LDB3: variants seen among roughly 807,000 people sequenced by gnomAD.
The protein encoded by LDB3 is LIM domain-binding protein 3.
LDB3 carries 49 observed loss-of-function variants against 69.0 expected under a neutral mutation model. That is an observed-to-expected ratio of 0.71 (90% CI 0.56 to 0.90). The LOEUF is 0.90. Ranked by LOEUF, LDB3 falls within the 40% of genes least tolerant of loss-of-function variation. The pLI, the probability that LDB3 is intolerant of heterozygous loss-of-function variation, is 0.00. For synonymous variants in LDB3, 387 were observed against 396.2 expected (o/e 0.98, Z 0.28); for missense variants, 928 against 974.1 (o/e 0.95, Z 0.63).
In LDB3 at chr10:86,716,766, C is replaced by T; in HGVS notation, c.1671C>T (p.Val557=). 1.2e-6 allele frequency: 2 copies of T among 1,607,578 alleles called. No homozygotes were observed. The highest frequency in any genetic ancestry group is 1.7e-6 in the Non-Finnish European group (2 of 1,177,386). ...RTPLCGHCNN[V]IRGPFLVAMG... Reference sequence around the variant, plus strand: ...CACTCTGCGGTCACTGCAACAATGTCATCCGGTATGGTCCAGCTGTGCCCC... The same window carrying T: ...CACTCTGCGGTCACTGCAACAATGTTATCCGGTATGGTCCAGCTGTGCCCC... Residue 557 remains valine, a synonymous_variant, in exon 10 of 14, where the codon GTC becomes GTT. Coordinates refer to ENST00000361373, the MANE Select transcript of LDB3 (RefSeq NM_007078.3).
intron 12 of LDB3, among the ~76,000 whole-genome samples, chr10:86,720,794 G>A (rs965208315): frequency 5.9e-5 from 9 of 152,092 alleles, no homozygotes; most frequent in South Asian, 2.1e-4. Context: ...CAACTCCCCC[G>A]AAAAGATTCT....
At chr10:86,725,826 C>G (rs574027082) in intron 12 of LDB3, among the ~76,000 whole-genome samples, 11 of 152,206 alleles carry the variant, frequency 7.2e-5, no homozygotes, top group African/African-American at 2.4e-4. Flanking sequence ...GGGCTTGATC[C>G]GTTTGGTCTA....
intron 12 of LDB3, among the ~76,000 whole-genome samples, chr10:86,720,553 C>T (rs1847045171): frequency 6.6e-6 from 1 of 151,222 alleles, no homozygotes. Context: ...TTACTCTGTG[C>T]CTCAGTTTCT....
chr10:86,732,208 T>G (rs1847492028), intron 13 of LDB3, among the ~76,000 whole-genome samples: 1 of 152,074 alleles, frequency 6.6e-6, no homozygotes, highest in Non-Finnish European at 1.5e-5. Context: ...CTGATGTGTT[T>G]GTTAGTTTAC....
chr10:86,685,797 T>C, intron 5 of LDB3: 2 of 1,348,174 alleles, frequency 1.5e-6, no homozygotes, highest in Admixed American at 1.7e-5. Flanking sequence ...TGCTGGCATG[T>C]GTACATGTAT....
chr10:86,733,009 G>A lies in LDB3; in HGVS notation c.*33G>A. 6.7e-7 allele frequency: 1 copy of A among 1,483,150 alleles called. No homozygotes were observed. Among genetic ancestry groups the A allele is most frequent in the Non-Finnish European group, 9.4e-7 (1 of 1,066,078 alleles). The allele number at this position is 1,483,150 out of a possible 1,614,324, so 91.9% of individuals were successfully genotyped here. A position where few individuals can be genotyped will look rare whatever the true frequency, so the allele number is the denominator to read the frequency against. On this transcript the variant is annotated 3_prime_UTR_variant, in exon 14 of 14. Coordinates refer to ENST00000361373, the MANE Select transcript of LDB3 (RefSeq NM_007078.3). ...AGGCCGCCTGTGCTGACGAGGCCCG[G>A]AGCTGCTCCTGCTGCTGGCAACAAA...
rs935253276 is a variant in LDB3 at position 86,734,660 on chromosome 10, T to C, written c.*1684T>C. 2 of 152,236 alleles carry C rather than the reference T, an allele frequency of 1.3e-5. No individual in the cohort carries two copies. Among genetic ancestry groups the C allele is most frequent in the Admixed American group, 6.5e-5 (1 of 15,282 alleles). 9.4% of individuals were successfully genotyped at this position (152,236 alleles called of 1,614,324 possible). A position where few individuals can be genotyped will look rare whatever the true frequency, so the allele number is the denominator to read the frequency against. On this transcript the variant is annotated 3_prime_UTR_variant, in exon 14 of 14. Transcript: ENST00000361373. ...AGGGAGAAGGAAGCAGCTAGCTATG[T>C]CCCTAGCTGCAGGAAGCCCCTATTT...
At chr10:86,691,551 T>G (rs1028407903) in intron 5 of LDB3, among the ~76,000 whole-genome samples, 2 of 152,024 alleles carry the variant, frequency 1.3e-5, no homozygotes, top group Admixed American at 6.5e-5. Context: ...CACGGCCTGC[T>G]CACGGAGGTC....
chr10:86,675,256 T>A (rs12240576), intron 2 of LDB3, among the ~76,000 whole-genome samples: 1 of 152,026 alleles, frequency 6.6e-6, no homozygotes. Context: ...GGAGACCTGG[T>A]GGGGAGGGCT....
At chr10:86,679,226 A>G in intron 2 of LDB3, 141 bp from the exon 3 acceptor site, 1 of 983,002 alleles carries the variant, frequency 1.0e-6, no homozygotes, top group Non-Finnish European at 1.6e-6. Context: ...AGGCTTGGTT[A>G]GCAGCTGGTA....
intron 13 of LDB3, among the ~76,000 whole-genome samples, chr10:86,728,778 C>T (rs1052760083): frequency 1.3e-4 from 19 of 151,868 alleles, no homozygotes; most frequent in African/African-American, 4.4e-4. Flanking sequence ...GACGGGGTTT[C>T]ACCATCTTGG....
At chr10:86,692,616 G>T in intron 7 of LDB3, 45 bp downstream of exon 7, 2 of 1,578,718 alleles carry the variant, frequency 1.3e-6, no homozygotes, top group Middle Eastern at 1.7e-4. Context: ...CTCTAGCCCC[G>T]TCCCTCCCCG....
chr10:86,695,293 A>G (rs1222064407), intron 7 of LDB3, among the ~76,000 whole-genome samples: 1 of 152,186 alleles, frequency 6.6e-6, no homozygotes, highest in Non-Finnish European at 1.5e-5. Flanking sequence ...CTTCACCTCC[A>G]TCACTGCTCT....
At chr10:86,726,274 C>G in intron 13 of LDB3, 22 bp downstream of exon 13, 7 of 1,599,038 alleles carry the variant, frequency 4.4e-6, no homozygotes, top group Non-Finnish European at 6.0e-6. Context: ...GCTTGGGGCT[C>G]TGGCTTTCTG....
chr10:86,681,113 G>A (rs1845095107), intron 4 of LDB3, among the ~76,000 whole-genome samples: 1 of 152,264 alleles, frequency 6.6e-6, no homozygotes, highest in South Asian at 2.1e-4. Flanking sequence ...TCAGGGGCAG[G>A]GGGAACAGAC....
At position 86,668,702 on chromosome 10, in the gene LDB3, G is replaced by A. The variant is rs766405051; in HGVS notation, c.11G>A (p.Ser4Asn). The change falls in exon 2 of 14, where the codon AGT becomes AAT. Residue 4 changes from serine to asparagine, a missense_variant. Ser to Asn is a conservative substitution (Grantham distance 46, BLOSUM62 1). Transcript: ENST00000361373. Reference sequence around the variant, plus strand: ...GCTGACAGCACCAGCATGTCTTACAGTGTGACCCTGACTGGGCCCGGGCCC... The same window carrying A: ...GCTGACAGCACCAGCATGTCTTACAATGTGACCCTGACTGGGCCCGGGCCC... Reference protein sequence around the residue: MSYSVTLTGPGPWG... With the variant: MSYNVTLTGPGPWG... 1.2e-5 allele frequency: 19 copies of A among 1,613,238 alleles called. No homozygotes were observed. The highest frequency in any genetic ancestry group is 3.3e-5 in the Admixed American group (2 of 60,004).
At position 86,699,788 on chromosome 10, in the gene LDB3, G is replaced by T; in HGVS notation, c.897-6743G>T. 9.5e-7 allele frequency: 1 copy of T among 1,053,702 alleles called. No individual in the cohort carries two copies. Among genetic ancestry groups the T allele is most frequent in the Middle Eastern group, 4.6e-4 (1 of 2,176 alleles). 65.3% of individuals were successfully genotyped at this position (1,053,702 alleles called of 1,614,324 possible). ...CATCCCCTCCTAGAATGAGTCACCC[G>T]TAGATCAGGGTCTGGGGAAGAGGCT... On this transcript the variant is annotated intron_variant, in intron 7 of 13. Transcript: ENST00000361373. This position sits in a 1 kb window ranked among gnomAD's most constrained non-coding sequence, Gnocchi z 4.9.
chr10:86,733,470 C>T lies in LDB3; in HGVS notation c.*494C>T, dbSNP rs1355120497. On this transcript the variant is annotated 3_prime_UTR_variant, in exon 14 of 14. Transcript: ENST00000361373. ...TAGCTAAGACCCATTGGGCTTTCCT[C>T]ACCAAAAAAGGAAGTGTTATTCCAT... 1 of 170,748 alleles carries T rather than the reference C, an allele frequency of 5.9e-6. No individual in the cohort carries two copies. Among genetic ancestry groups the T allele is most frequent in the Non-Finnish European group, 1.3e-5 (1 of 79,214 alleles). 10.6% of individuals were successfully genotyped at this position (170,748 alleles called of 1,614,324 possible).
intron 8 of LDB3, among the ~76,000 whole-genome samples, chr10:86,709,217 A>G (rs750766205): frequency 6.6e-6 from 1 of 152,202 alleles, no homozygotes. Context: ...GCCACGACGC[A>G]CAGACTCTCC....
Sources: allele counts gnomAD v4.1 joint callset (sites outside exome capture counted in the v4.1 genomes callset), GRCh38; gene constraint gnomAD v4.1.1; non-coding constraint Gnocchi (gnomAD v3.1); transcripts MANE v1.5; gene names NCBI Gene and HGNC (gene_info 2026-07-23, HGNC 2026-07-21).